Variants in DGKB observed in about 807,000 individuals in gnomAD.
The protein encoded by DGKB is 90 kDa diacylglycerol kinase.
A neutral mutation model predicts 114.3 loss-of-function variants in DGKB; 67 were observed. The ratio of observed to expected loss-of-function variants is 0.59; its 90% CI spans 0.48 to 0.72. The LOEUF (loss-of-function observed/expected upper bound fraction) is 0.72, where lower values mean the gene tolerates loss of function less well. DGKB is among the 30% of genes least tolerant of loss of function. DGKB has a pLI of 0.00. For synonymous variants in DGKB, 398 were observed against 323.1 expected (o/e 1.23, Z -2.49); for missense variants, 907 against 975.2 (o/e 0.93, Z 0.93).
At chr7:14,184,867 A>G (rs1783168981) in intron 23 of DGKB, among the ~76,000 whole-genome samples, 1 of 152,170 alleles carries the variant, frequency 6.6e-6, no homozygotes, top group Non-Finnish European at 1.5e-5. Flanking sequence ...TATGCAAGGG[A>G]CATACCTTAA....
chr7:14,786,039 CT>C (rs945014123), intron 2 of DGKB, among the ~76,000 whole-genome samples: 10 of 151,760 alleles, frequency 6.6e-5, no homozygotes, highest in Non-Finnish European at 1.3e-4. Flanking sequence ...TCCATCTTTC[CT>C]TTTTTTCGTC....
intron 1 of DGKB, among the ~76,000 whole-genome samples, chr7:14,949,886 G>C (rs1786088089): frequency 6.6e-6 from 1 of 151,652 alleles, no homozygotes; most frequent in Admixed American, 6.6e-5. Context: ...CTCACTCATA[G>C]GTTGGAATTG....
chr7:14,768,567 C>T (rs953722979), intron 2 of DGKB, among the ~76,000 whole-genome samples: 1 of 151,976 alleles, frequency 6.6e-6, no homozygotes, highest in African/African-American at 2.4e-5. Flanking sequence ...GGTATCAGTA[C>T]CTCCAGTGAT....
intron 4 of DGKB, among the ~76,000 whole-genome samples, chr7:14,741,022 C>G (rs190370996): frequency 3.7e-4 from 57 of 152,302 alleles, no homozygotes; most frequent in African/African-American, 1.3e-3. Context: ...GTGCACCTTA[C>G]AGATGCATTC....
chr7:14,399,439 A>G (rs138230595), intron 21 of DGKB, among the ~76,000 whole-genome samples: 25 of 151,770 alleles, frequency 1.6e-4, no homozygotes, highest in East Asian at 1.5e-3. Flanking sequence ...CTTGTTTGAT[A>G]TTAGTTAAAT....
intron 21 of DGKB, among the ~76,000 whole-genome samples, chr7:14,377,867 G>A (rs557952907): frequency 6.6e-6 from 1 of 152,274 alleles, no homozygotes; most frequent in East Asian, 1.9e-4. Flanking sequence ...CGTGGTTTGG[G>A]ATTGTCCCAT....
chr7:14,450,535 T>G (rs369027986), intron 21 of DGKB, among the ~76,000 whole-genome samples: 1 of 152,050 alleles, frequency 6.6e-6, no homozygotes, highest in Non-Finnish European at 1.5e-5. Context: ...ATCATGGGAT[T>G]AGAGAGACAA....
intron 17 of DGKB, among the ~76,000 whole-genome samples, chr7:14,605,330 T>C (rs1804281522): frequency 6.7e-6 from 1 of 149,348 alleles, no homozygotes. Context: ...AAAAACTATC[T>C]ACCTATATTT....
chr7:14,705,518 T>G (rs1480375969), intron 6 of DGKB, among the ~76,000 whole-genome samples: 1 of 151,184 alleles, frequency 6.6e-6, no homozygotes, highest in Non-Finnish European at 1.5e-5. Context: ...AATTGTCAGA[T>G]TCACCAAAGT....
At chr7:14,921,819 T>C (rs367825772) in intron 1 of DGKB, among the ~76,000 whole-genome samples, 3 of 152,312 alleles carry the variant, frequency 2.0e-5, no homozygotes, top group Admixed American at 6.5e-5. Flanking sequence ...AAACTGTGGA[T>C]GTCTTTCAAA....
intron 23 of DGKB, among the ~76,000 whole-genome samples, chr7:14,312,639 C>T (rs1248243967): frequency 6.6e-6 from 1 of 152,110 alleles, no homozygotes; most frequent in East Asian, 1.9e-4. Flanking sequence ...AAGAAAAACA[C>T]TTGTGTGATT....
chr7:14,534,392 A>G (rs1470332339), intron 20 of DGKB, among the ~76,000 whole-genome samples: 3 of 152,156 alleles, frequency 2.0e-5, no homozygotes, highest in Non-Finnish European at 4.4e-5. Flanking sequence ...GGAGGGGAAC[A>G]ATATAACTAC....
intron 21 of DGKB, among the ~76,000 whole-genome samples, chr7:14,465,550 C>T (rs1833708695): frequency 6.6e-6 from 1 of 152,156 alleles, no homozygotes; most frequent in African/African-American, 2.4e-5. Flanking sequence ...TTGCTAGACA[C>T]TGTTAAAATG....
At chr7:14,361,413 T>C (rs1269958047) in intron 21 of DGKB, among the ~76,000 whole-genome samples, 6 of 152,064 alleles carry the variant, frequency 3.9e-5, no homozygotes, top group African/African-American at 1.4e-4. Flanking sequence ...GTTTAACACA[T>C]AAATCAGTAA....
At chr7:14,537,892 C>A (rs1331197257) in intron 20 of DGKB, among the ~76,000 whole-genome samples, 1 of 151,952 alleles carries the variant, frequency 6.6e-6, no homozygotes, top group Non-Finnish European at 1.5e-5. Context: ...ACCAGGCTGA[C>A]CAACATGGAG....
At chr7:14,536,569 A>G (rs571779163) in intron 20 of DGKB, among the ~76,000 whole-genome samples, 1 of 152,222 alleles carries the variant, frequency 6.6e-6, no homozygotes, top group Non-Finnish European at 1.5e-5. Context: ...AATAACCACA[A>G]AACAATCTCA....
intron 22 of DGKB, among the ~76,000 whole-genome samples, chr7:14,342,942 C>T (rs534781357): frequency 2.3e-4 from 35 of 151,872 alleles, no homozygotes; most frequent in Non-Finnish European, 4.1e-4. Context: ...TCTGTTTTTA[C>T]TGAAGTAGTT....
In DGKB at chr7:14,762,035, G is replaced by A. The variant is rs947267684; in HGVS notation, c.71-4304C>T. On this transcript the variant is annotated intron_variant, in intron 2 of 25. Coordinates refer to ENST00000402815, the MANE Select transcript of DGKB (RefSeq NM_001350709.2). ...AGGGCAGGATACTTGGAAAACAACA[G>A]TGAATACAAATTACTGCCCTTTGAC... is the stretch of plus-strand genomic sequence containing the variant. Among the ~76,000 whole-genome samples the A allele has an allele frequency of 7.2e-5, 11 of 152,130 alleles. 1 individual carries two copies. The highest frequency in any genetic ancestry group is 3.3e-4 in the Admixed American group (5 of 15,238).
intron 21 of DGKB, among the ~76,000 whole-genome samples, chr7:14,452,995 A>G (rs1263061373): frequency 6.6e-6 from 1 of 152,168 alleles, no homozygotes; most frequent in Non-Finnish European, 1.5e-5. Context: ...CACTGGCTTA[A>G]ACATTGTAAC....
Sources: gnomAD v4.1 joint callset for allele counts (sites outside exome capture counted in the v4.1 genomes callset) on GRCh38, gnomAD v4.1.1 for gene constraint, MANE v1.5 for transcripts, NCBI Gene and HGNC (gene_info 2026-07-23, HGNC 2026-07-21) for gene names.